RASSF3: variants seen among roughly 807,000 people sequenced by gnomAD.
RASSF3 encodes the protein ras association domain-containing protein 3.
Under a neutral mutation model 19.9 loss-of-function variants are expected in RASSF3, and 19 were observed. That is an observed-to-expected ratio of 0.96 (90% confidence interval 0.67 to 1.40). RASSF3 has a LOEUF of 1.40. Among genes scored for constraint, RASSF3 ranks in the 40% most tolerant of loss-of-function variants. The pLI is 0.00. For synonymous variants in RASSF3, 110 were observed against 104.2 expected, an observed-to-expected ratio of 1.06 and a Z score of -0.34; for missense variants, 306 against 289.8, an observed-to-expected ratio of 1.06 and a Z score of -0.41.
intron 2 of RASSF3, among the ~76,000 whole-genome samples, chr12:64,600,569 T>G (rs1342612934): frequency 6.6e-6 from 1 of 152,222 alleles, no homozygotes; most frequent in African/African-American, 2.4e-5. Context: ...TGGATTTTGT[T>G]TTTTTTCTTT....
intron 2 of RASSF3, among the ~76,000 whole-genome samples, chr12:64,572,446 C>G (rs1006113807): frequency 3.3e-5 from 5 of 152,094 alleles, no homozygotes; most frequent in African/African-American, 1.2e-4. Context: ...ATGCTGGTAC[C>G]CTGATCTTGG....
intron 2 of RASSF3, among the ~76,000 whole-genome samples, chr12:64,593,338 C>T (rs1869953008): frequency 6.6e-6 from 1 of 152,296 alleles, no homozygotes; most frequent in African/African-American, 2.4e-5. Flanking sequence ...TCTCCTGCCT[C>T]AGCCTCCCAA....
chr12:64,643,961 A>G (rs963392299), intron 1 of RASSF3, among the ~76,000 whole-genome samples: 2 of 151,950 alleles, frequency 1.3e-5, no homozygotes, highest in African/African-American at 4.9e-5. Context: ...CCTAAAGGTA[A>G]GTGTAAACTT....
chr12:64,646,353 C>T lies in RASSF3; in HGVS notation c.111+35610C>T, dbSNP rs568871520. On this transcript the variant is annotated intron_variant, in intron 1 of 4. Transcript: ENST00000542104. Reference sequence around the variant, plus strand: ...GCAATGGATGAGAGTTCTGTTTTCTCCACATCCTTGCTAACAGTCTCTTTA... The same window carrying T: ...GCAATGGATGAGAGTTCTGTTTTCTTCACATCCTTGCTAACAGTCTCTTTA... Among the ~76,000 whole-genome samples, 20 of 152,276 alleles carry T rather than the reference C, an allele frequency of 1.3e-4. No individual in the cohort carries two copies. In the South Asian group the frequency reaches 3.9e-3, roughly 30 times the overall value.
At chr12:64,642,856 T>A (rs1325991739) in intron 1 of RASSF3, among the ~76,000 whole-genome samples, 1 of 151,318 alleles carries the variant, frequency 6.6e-6, no homozygotes, top group Non-Finnish European at 1.5e-5. Context: ...TGGGCAAGTT[T>A]CTTTCTTTCT....
intron 1 of RASSF3, among the ~76,000 whole-genome samples, chr12:64,639,850 G>A (rs1373016205): frequency 6.6e-6 from 1 of 152,222 alleles, no homozygotes; most frequent in Non-Finnish European, 1.5e-5. Context: ...CCTACTGGGA[G>A]GAATCAATAA....
chr12:64,546,997 G>A (rs1869074917), intron 2 of RASSF3, among the ~76,000 whole-genome samples: 2 of 152,162 alleles, frequency 1.3e-5, no homozygotes. Flanking sequence ...GTTGGGGCCA[G>A]GCATGGTGGC....
chr12:64,568,610 G>A (rs1869469899), intron 2 of RASSF3, among the ~76,000 whole-genome samples: 1 of 152,076 alleles, frequency 6.6e-6, no homozygotes, highest in South Asian at 2.1e-4. Flanking sequence ...GCACTCCCCA[G>A]TCTGTTTGGT....
At chr12:64,616,479 C>A (rs937034078) in intron 1 of RASSF3, among the ~76,000 whole-genome samples, 2 of 152,204 alleles carry the variant, frequency 1.3e-5, no homozygotes, top group Non-Finnish European at 2.9e-5. Flanking sequence ...TTAGCCCTCG[C>A]ATTTTCCACC....
At chr12:64,598,369 A>G (rs1393328374) in intron 2 of RASSF3, among the ~76,000 whole-genome samples, 2 of 152,206 alleles carry the variant, frequency 1.3e-5, no homozygotes, top group Admixed American at 1.3e-4. Flanking sequence ...TAAGGTTTTG[A>G]AGGCCAGAAA....
At chr12:64,587,250 T>C (rs1226191188) in intron 2 of RASSF3, among the ~76,000 whole-genome samples, 1 of 151,354 alleles carries the variant, frequency 6.6e-6, no homozygotes, top group Non-Finnish European at 1.5e-5. Flanking sequence ...AGAGACAGAG[T>C]TTCTCCATGT....
chr12:64,603,972 T>C (rs6581579), intron 2 of RASSF3, among the ~76,000 whole-genome samples: 69,055 of 151,814 alleles, frequency 0.45, 16,343 homozygotes, highest in African/African-American at 0.56. Flanking sequence ...CTCAGCCTCC[T>C]GAGTAGCTGG....
intron 2 of RASSF3, among the ~76,000 whole-genome samples, chr12:64,554,344 G>A (rs1352070404): frequency 5.9e-5 from 9 of 152,110 alleles, no homozygotes; most frequent in South Asian, 4.2e-4. Flanking sequence ...CACTCTTGTC[G>A]CCCAGGCTGG....
At chr12:64,648,801 GA>G (rs1319265264) in intron 1 of RASSF3, among the ~76,000 whole-genome samples, 2 of 39,074 alleles carry the variant, frequency 5.1e-5, no homozygotes, top group Non-Finnish European at 1.1e-4. Flanking sequence ...TTTTTACATT[GA>G]TTTTTTTTTT....
intron 1 of RASSF3, chr12:64,533,564 T>TG (rs1395758745): frequency 6.6e-6 from 1 of 152,234 alleles, no homozygotes; most frequent in Non-Finnish European, 1.5e-5. Flanking sequence ...CAAACGTGCT[T>TG]TCAAATGTTG....
chr12:64,670,116 A>G (rs771638348), intron 1 of RASSF3, among the ~76,000 whole-genome samples: 3 of 151,674 alleles, frequency 2.0e-5, no homozygotes, highest in Non-Finnish European at 2.9e-5. Flanking sequence ...GGTTCGCTCT[A>G]TCTAGCAGCT....
chr12:64,628,810 T>C (rs914922757), intron 1 of RASSF3, among the ~76,000 whole-genome samples: 1 of 152,166 alleles, frequency 6.6e-6, no homozygotes, highest in Non-Finnish European at 1.5e-5. Flanking sequence ...TTAATTTCTT[T>C]TACTTGCTTC....
chr12:64,511,633 A>G (rs1868328757), intron 1 of RASSF3, among the ~76,000 whole-genome samples: 1 of 152,176 alleles, frequency 6.6e-6, no homozygotes, highest in Admixed American at 6.5e-5. Context: ...CATCCTGGTC[A>G]TTTAATTTCT....
At chr12:64,694,628 T>C in intron 4 of RASSF3, 135 bp from the exon 5 acceptor site, 1 of 931,570 alleles carries the variant, frequency 1.1e-6, no homozygotes, top group Non-Finnish European at 1.7e-6. Context: ...ACACCCCAGC[T>C]CTTGCAGACC....
Sources: allele counts gnomAD v4.1 joint callset (sites outside exome capture counted in the v4.1 genomes callset), GRCh38; gene constraint gnomAD v4.1.1; transcripts MANE v1.5; gene names NCBI Gene and HGNC (gene_info 2026-07-23, HGNC 2026-07-21).